SHISA6: variants seen among roughly 807,000 people sequenced by gnomAD.
SHISA6 encodes shisa family member 6, also known as protein shisa-6.
A neutral mutation model predicts 47.9 loss-of-function variants in SHISA6; 22 were observed. That is an observed-to-expected ratio of 0.46 (90% confidence interval 0.33 to 0.66). SHISA6 has a LOEUF of 0.66. Among genes scored for constraint, SHISA6 ranks in the 30% least tolerant of loss-of-function variants. The probability of loss-of-function intolerance (pLI) is 0.02; values close to 1 mark genes in which losing one functional copy is unlikely to be tolerated. For synonymous variants in SHISA6, 388 were observed against 337.8 expected (o/e 1.15, Z -1.63); for missense variants, 680 against 764.6 (o/e 0.89, Z 1.30).
chr17:11,403,452 G>A (rs1350915051), intron 3 of SHISA6, among the ~76,000 whole-genome samples: 2 of 152,204 alleles, frequency 1.3e-5, no homozygotes, highest in Non-Finnish European at 2.9e-5. Context: ...AGTTTTTCTA[G>A]GGGAACACAA....
At chr17:11,475,381 G>A (rs546409485) in intron 3 of SHISA6, among the ~76,000 whole-genome samples, 1 of 152,212 alleles carries the variant, frequency 6.6e-6, no homozygotes, top group Non-Finnish European at 1.5e-5. Flanking sequence ...GAAATTTTAA[G>A]TTTCTTATCA....
chr17:11,472,969 T>C (rs771639085), intron 3 of SHISA6, among the ~76,000 whole-genome samples: 28 of 152,248 alleles, frequency 1.8e-4, no homozygotes, highest in African/African-American at 2.4e-5. Context: ...TGGTGATGTG[T>C]CTGTTAAGGT....
intron 3 of SHISA6, among the ~76,000 whole-genome samples, chr17:11,437,864 C>T (rs11656354): frequency 6.6e-6 from 1 of 152,052 alleles, no homozygotes; most frequent in Non-Finnish European, 1.5e-5. Flanking sequence ...GGGAGATTCA[C>T]CAGAGTCTCT....
At chr17:11,466,762 C>T (rs1036502498) in intron 3 of SHISA6, among the ~76,000 whole-genome samples, 1 of 152,216 alleles carries the variant, frequency 6.6e-6, no homozygotes, top group African/African-American at 2.4e-5. Flanking sequence ...TGATGTCAGA[C>T]ATCATTGATC....
At chr17:11,278,982 G>C (rs1038771149) in intron 2 of SHISA6, among the ~76,000 whole-genome samples, 1 of 152,220 alleles carries the variant, frequency 6.6e-6, no homozygotes, top group Non-Finnish European at 1.5e-5. Context: ...GGCCATTTAA[G>C]AGTGAGCCAC....
intron 3 of SHISA6, among the ~76,000 whole-genome samples, chr17:11,512,786 C>T (rs1019608606): frequency 6.6e-6 from 1 of 151,848 alleles, no homozygotes; most frequent in African/African-American, 2.4e-5. Context: ...TTCCAGCTTC[C>T]TTTTTTCACT....
intron 3 of SHISA6, among the ~76,000 whole-genome samples, chr17:11,464,992 C>T (rs1241929742): frequency 6.6e-6 from 1 of 151,560 alleles, no homozygotes; most frequent in Non-Finnish European, 1.5e-5. Context: ...ATTCAAAAAG[C>T]TGCCACTTGA....
intron 1 of SHISA6, among the ~76,000 whole-genome samples, chr17:11,253,311 G>GTTTTTT (rs5819309): frequency 1.1e-4 from 16 of 144,840 alleles, no homozygotes; most frequent in Non-Finnish European, 1.2e-4. Flanking sequence ...CCTGGGCAAA[G>GTTTTTT]TTTTTTTTTT....
chr17:11,243,814 C>T, intron 1 of SHISA6, among the ~76,000 whole-genome samples: 1 of 152,200 alleles, frequency 6.6e-6, no homozygotes, highest in South Asian at 2.1e-4. Flanking sequence ...GCTCTGACCA[C>T]AGCCGCTTGC....
At chr17:11,310,945 A>G (rs1046143652) in intron 2 of SHISA6, among the ~76,000 whole-genome samples, 1 of 151,956 alleles carries the variant, frequency 6.6e-6, no homozygotes, top group Non-Finnish European at 1.5e-5. Flanking sequence ...TGTCTCTACT[A>G]AAAATAGAAA....
intron 1 of SHISA6, among the ~76,000 whole-genome samples, chr17:11,252,234 G>C (rs772866723): frequency 2.6e-5 from 4 of 152,188 alleles, no homozygotes; most frequent in African/African-American, 4.8e-5. Context: ...TTTGGGAGAA[G>C]AGTCGCTGCT....
intron 2 of SHISA6, among the ~76,000 whole-genome samples, chr17:11,375,096 G>A (rs1373176856): frequency 6.6e-6 from 1 of 151,972 alleles, no homozygotes; most frequent in Non-Finnish European, 1.5e-5. Flanking sequence ...TTTTAAAATG[G>A]CATTTCACCA....
chr17:11,400,451 T>C (rs1027665172), intron 3 of SHISA6, among the ~76,000 whole-genome samples: 3 of 152,222 alleles, frequency 2.0e-5, no homozygotes, highest in African/African-American at 4.8e-5. Flanking sequence ...TCATCCTTGT[T>C]CTATGGATTC....
At chr17:11,339,196 A>G (rs1268205366) in intron 2 of SHISA6, among the ~76,000 whole-genome samples, 1 of 151,636 alleles carries the variant, frequency 6.6e-6, no homozygotes, top group Non-Finnish European at 1.5e-5. Flanking sequence ...CCACGAGGCC[A>G]CTAAATTGCC....
intron 3 of SHISA6, among the ~76,000 whole-genome samples, chr17:11,548,769 C>A (rs552443053): frequency 1.3e-5 from 2 of 152,120 alleles, no homozygotes; most frequent in Admixed American, 1.3e-4. Context: ...ATATATTATG[C>A]TTAAATGATA....
intron 3 of SHISA6, among the ~76,000 whole-genome samples, chr17:11,480,763 A>T (rs1916190620): frequency 6.6e-6 from 1 of 152,166 alleles, no homozygotes. Flanking sequence ...GTTGTGTGTA[A>T]ACTTACACCA....
At chr17:11,269,493 A>G (rs1169119611) in intron 2 of SHISA6, among the ~76,000 whole-genome samples, 1 of 151,684 alleles carries the variant, frequency 6.6e-6, no homozygotes, top group African/African-American at 2.4e-5. Context: ...AGTTCTTTCC[A>G]CCCTGCTAAG....
intron 2 of SHISA6, among the ~76,000 whole-genome samples, chr17:11,359,595 C>T (rs190246319): frequency 3.0e-3 from 462 of 152,202 alleles, no homozygotes; most frequent in Non-Finnish European, 3.9e-3. Context: ...GACAGGGACT[C>T]CAGCTCTAAT....
chr17:11,301,102 G>C (rs541509082), intron 2 of SHISA6, among the ~76,000 whole-genome samples: 1 of 152,102 alleles, frequency 6.6e-6, no homozygotes, highest in African/African-American at 2.4e-5. Flanking sequence ...GGCCTTCCAC[G>C]TCTAGCTGTC....
Sources: gnomAD v4.1 joint callset for allele counts (sites outside exome capture counted in the v4.1 genomes callset) on GRCh38, gnomAD v4.1.1 for gene constraint, MANE v1.5 for transcripts, NCBI Gene and HGNC (gene_info 2026-07-23, HGNC 2026-07-21) for gene names.